The following COL23A1 variants were observed in gnomAD, a reference collection of about 807,000 sequenced individuals.
The protein encoded by COL23A1 is collagen alpha-1(XXIII) chain.
Under a neutral mutation model 99.3 loss-of-function variants are expected in COL23A1, and 97 were observed. The ratio of observed to expected loss-of-function variants is 0.98; its 90% CI spans 0.83 to 1.16. COL23A1 has a LOEUF of 1.16. Among genes scored for constraint, COL23A1 ranks in the 50% most tolerant of loss-of-function variants. COL23A1 has a pLI of 0.00. For missense variants in COL23A1, 762 were observed against 757.4 expected, an observed-to-expected ratio of 1.01 and a Z score of -0.07; for synonymous variants, 320 against 308.2, an observed-to-expected ratio of 1.04 and a Z score of -0.40.
chr5:178,357,399 C>T (rs559838202), intron 2 of COL23A1, among the ~76,000 whole-genome samples: 47 of 152,228 alleles, frequency 3.1e-4, no homozygotes, highest in Non-Finnish European at 6.3e-4. Flanking sequence ...CGCACAGCCT[C>T]GACTCAGAGA....
intron 2 of COL23A1, among the ~76,000 whole-genome samples, chr5:178,446,509 AC>A (rs1344115393): frequency 6.6e-6 from 1 of 152,134 alleles, no homozygotes; most frequent in Non-Finnish European, 1.5e-5. Flanking sequence ...ATTTTATACA[AC>A]AAGCTTGTAT....
intron 2 of COL23A1, among the ~76,000 whole-genome samples, chr5:178,555,813 T>C (rs951301530): frequency 3.3e-5 from 5 of 152,066 alleles, no homozygotes; most frequent in Non-Finnish European, 5.9e-5. Flanking sequence ...GTCACTACTG[T>C]TCACAGACGG....
intron 27 of COL23A1, among the ~76,000 whole-genome samples, chr5:178,239,431 G>A (rs890713583): frequency 2.0e-5 from 3 of 152,234 alleles, no homozygotes; most frequent in African/African-American, 7.2e-5. Context: ...GGGGACTGCT[G>A]TGCAGTGGGC....
chr5:178,382,879 TC>T (rs769550204), intron 2 of COL23A1, among the ~76,000 whole-genome samples: 1 of 152,070 alleles, frequency 6.6e-6, no homozygotes, highest in Non-Finnish European at 1.5e-5. Flanking sequence ...GCCTGGCTCC[TC>T]GGCTGGCCTG....
intron 2 of COL23A1, among the ~76,000 whole-genome samples, chr5:178,417,278 TAC>T (rs764458305): frequency 3.9e-5 from 6 of 152,196 alleles, no homozygotes; most frequent in East Asian, 3.9e-4. Context: ...ACACAAAACA[TAC>T]ACAGACATGC....
chr5:178,552,687 C>T (rs1762058225), intron 2 of COL23A1, among the ~76,000 whole-genome samples: 2 of 147,296 alleles, frequency 1.4e-5, no homozygotes, highest in Admixed American at 6.8e-5. Flanking sequence ...AAGTGAGCTC[C>T]TAACTCACCA....
intron 2 of COL23A1, among the ~76,000 whole-genome samples, chr5:178,444,230 T>C (rs1335284045): frequency 1.3e-5 from 2 of 152,098 alleles, no homozygotes; most frequent in Admixed American, 6.6e-5. Context: ...AAACAAGATA[T>C]AAAGAAAATG....
At chr5:178,585,503 A>G (rs75451572) in intron 1 of COL23A1, among the ~76,000 whole-genome samples, 869 of 11,472 alleles carry the variant, frequency 0.076, 23 homozygotes, top group Middle Eastern at 0.21. Flanking sequence ...ATGACGCTGG[A>G]GTAACACTCC....
intron 1 of COL23A1, among the ~76,000 whole-genome samples, chr5:178,587,129 G>T (rs1764045643): frequency 6.6e-6 from 1 of 152,132 alleles, no homozygotes; most frequent in Admixed American, 6.6e-5. Context: ...TGTAACTATA[G>T]GTATAAGATG....
rs73804754 is a variant in COL23A1 at position 178,260,107 on chromosome 5, C to T, written c.703-360G>A. ...GCGAGGACCAGAGCCCGCCTCCCCA[C>T]CCACACCCTCCCCAAAGAGGGCGAA... is the stretch of plus-strand genomic sequence containing the variant. On this transcript the variant is annotated intron_variant, in intron 11 of 28. Transcript: ENST00000390654. Among the ~76,000 whole-genome samples, 295 of 152,362 alleles carry T rather than the reference C, an allele frequency of 1.9e-3. 2 individuals carry two copies. Among genetic ancestry groups the T allele is most frequent in the African/African-American group, 6.7e-3 (278 of 41,578 alleles).
intron 2 of COL23A1, among the ~76,000 whole-genome samples, chr5:178,467,906 A>G (rs1469449427): frequency 6.6e-6 from 1 of 152,150 alleles, no homozygotes; most frequent in African/African-American, 2.4e-5. Flanking sequence ...CATGCTAGTG[A>G]CAAAGGGAAA....
intron 2 of COL23A1, among the ~76,000 whole-genome samples, chr5:178,495,321 G>T (rs754720951): frequency 6.6e-6 from 1 of 152,196 alleles, no homozygotes; most frequent in Non-Finnish European, 1.5e-5. Context: ...GGTTACAGAG[G>T]TTAATATTCT....
chr5:178,550,222 T>G (rs1007641966), intron 2 of COL23A1, among the ~76,000 whole-genome samples: 2 of 152,254 alleles, frequency 1.3e-5, no homozygotes, highest in Non-Finnish European at 2.9e-5. Flanking sequence ...CTAAAGAAGA[T>G]TTTTCTGTCT....
chr5:178,293,168 T>C (rs184687295), intron 3 of COL23A1, among the ~76,000 whole-genome samples: 22 of 151,910 alleles, frequency 1.4e-4, no homozygotes, highest in African/African-American at 5.1e-4. Flanking sequence ...GGTATTTCTT[T>C]AGGATGAGAG....
intron 2 of COL23A1, among the ~76,000 whole-genome samples, chr5:178,537,653 G>A (rs1297361412): frequency 6.6e-6 from 1 of 152,332 alleles, no homozygotes; most frequent in African/African-American, 2.4e-5. Context: ...GCGGCTGTGG[G>A]GCAGCATCCA....
rs907928179 is a variant in COL23A1, at chr5:178,428,602, T to C, written c.362-121683A>G. On this transcript the variant is annotated intron_variant, in intron 2 of 28. Coordinates refer to ENST00000390654, the MANE Select transcript of COL23A1 (RefSeq NM_173465.4). This position sits in a 1 kb window ranked among gnomAD's most constrained non-coding sequence, Gnocchi z 5.0. Reference sequence around the variant, plus strand: ...CAGCCCCTGCCCGGCCCAGGCCTTTTTAGCCCCCGAGCCAGGATGGCAGCC... The same window carrying C: ...CAGCCCCTGCCCGGCCCAGGCCTTTCTAGCCCCCGAGCCAGGATGGCAGCC... Among the ~76,000 whole-genome samples the C allele has an allele frequency of 6.6e-6, 1 of 152,218 alleles. No individual in the cohort carries two copies. The highest frequency in any genetic ancestry group is 1.9e-4 in the East Asian group (1 of 5,194).
chr5:178,501,847 C>T (rs1015594121), intron 2 of COL23A1, among the ~76,000 whole-genome samples: 3 of 152,202 alleles, frequency 2.0e-5, no homozygotes, highest in South Asian at 4.1e-4. Flanking sequence ...CTAATCAGGG[C>T]CCTGCCTTGG....
At chr5:178,487,536 A>T (rs778523790) in intron 2 of COL23A1, among the ~76,000 whole-genome samples, 81 of 152,176 alleles carry the variant, frequency 5.3e-4, no homozygotes, top group Non-Finnish European at 8.7e-4. Flanking sequence ...AAATGGTTAA[A>T]CTTTAAAATG....
At chr5:178,445,090 C>T (rs1184447734) in intron 2 of COL23A1, among the ~76,000 whole-genome samples, 1 of 152,134 alleles carries the variant, frequency 6.6e-6, no homozygotes, top group Non-Finnish European at 1.5e-5. Context: ...TAAACACAGA[C>T]TAGAAGAATA....
Sources: allele counts gnomAD v4.1 joint callset (sites outside exome capture counted in the v4.1 genomes callset), GRCh38; gene constraint gnomAD v4.1.1; non-coding constraint Gnocchi (gnomAD v3.1); transcripts MANE v1.5; gene names NCBI Gene and HGNC (gene_info 2026-07-23, HGNC 2026-07-21).